The following ANO4 variants were observed in gnomAD, a reference collection of about 807,000 sequenced individuals.
ANO4 encodes anoctamin 4, also known as anoctamin-4.
ANO4 carries 69 observed loss-of-function variants against 141.9 expected under a neutral mutation model. The observed-to-expected ratio is 0.49, with a 90% confidence interval of 0.40 to 0.59. The LOEUF is 0.59. Among genes scored for constraint, ANO4 ranks in the 20% least tolerant of loss-of-function variants. ANO4 has a pLI of 0.00. For synonymous variants in ANO4, 350 were observed against 394.3 expected, an observed-to-expected ratio of 0.89 and a Z score of 1.33; for missense variants, 894 against 1,162.2, an observed-to-expected ratio of 0.77 and a Z score of 3.36.
At chr12:100,833,017 A>G (rs2036709274) in intron 1 of ANO4, among the ~76,000 whole-genome samples, 1 of 152,134 alleles carries the variant, frequency 6.6e-6, no homozygotes, top group African/African-American at 2.4e-5. Flanking sequence ...GACACTTCTG[A>G]CCAAGTAAAA....
At chr12:100,797,648 C>CT (rs538411455) in intron 1 of ANO4, among the ~76,000 whole-genome samples, 3,807 of 142,262 alleles carry the variant, frequency 0.027, 124 homozygotes, top group African/African-American at 0.077. Context: ...TGCAGTTATT[C>CT]TTTTTTTTTT....
chr12:101,103,348 G>A (rs941631333), intron 22 of ANO4, among the ~76,000 whole-genome samples: 24 of 150,688 alleles, frequency 1.6e-4, no homozygotes, highest in African/African-American at 5.6e-4. Context: ...TTACCATTAA[G>A]TGTGGTGCTA....
intron 1 of ANO4, among the ~76,000 whole-genome samples, chr12:100,873,907 G>A (rs1022284995): frequency 1.3e-5 from 2 of 152,162 alleles, no homozygotes; most frequent in Non-Finnish European, 2.9e-5. Flanking sequence ...TTGCGGACTG[G>A]GCCCAGGGCC....
Position 101,043,591 on chromosome 12 carries a change from T to C in ANO4, c.1207T>C (p.Tyr403His), listed in dbSNP as rs746008401. 6.2e-7 allele frequency: 1 copy of C among 1,613,854 alleles called. No individual in the cohort carries two copies. Among genetic ancestry groups the C allele is most frequent in the Admixed American group, 1.7e-5 (1 of 60,024 alleles). The change falls in exon 13 of 28, where the codon TAC becomes CAC. Residue 403 changes from tyrosine to histidine, a missense_variant. Physicochemically the swap from Tyr to His is moderately conservative, Grantham distance 83. Transcript: ENST00000392977. Reference sequence around the variant, plus strand: ...CATCATGTGTCCTGTGTGTGATAAATACTGTCCATTCATGAGGCTGTCAGA... The same window carrying C: ...CATCATGTGTCCTGTGTGTGATAAACACTGTCCATTCATGAGGCTGTCAGA... ...DIIMCPVCDK[Y>H]CPFMRLSDSC...
At position 100,827,251 on chromosome 12, in the gene ANO4, A is replaced by G. The variant is rs568776709; in HGVS notation, c.-141+32224A>G. Among the ~76,000 whole-genome samples, 33 of 151,954 alleles carry G rather than the reference A, an allele frequency of 2.2e-4. No homozygotes were observed. In the South Asian group the frequency reaches 4.6e-3, roughly 21 times the overall value. Reference sequence around the variant, plus strand: ...TTTTGATGATCCTTGAACACACCCAATTATGTTTTTGCTTTAAGACCTTTG... The same window carrying G: ...TTTTGATGATCCTTGAACACACCCAGTTATGTTTTTGCTTTAAGACCTTTG... On this transcript the variant is annotated intron_variant, in intron 1 of 27. Transcript: ENST00000392977.
At chr12:100,868,429 T>C (rs1028312528) in intron 1 of ANO4, among the ~76,000 whole-genome samples, 4 of 152,196 alleles carry the variant, frequency 2.6e-5, no homozygotes, top group Admixed American at 2.0e-4. Flanking sequence ...TTTCTATTTC[T>C]GAGATTATTT....
intron 14 of ANO4, among the ~76,000 whole-genome samples, chr12:101,060,518 C>G (rs369651184): frequency 1.3e-5 from 2 of 152,124 alleles, no homozygotes; most frequent in African/African-American, 4.8e-5. Context: ...GAGTCTAAGT[C>G]TTTTTGTAGG....
chr12:100,775,207 G>A (rs912433130), intron 3 of ANO4, among the ~76,000 whole-genome samples: 1 of 152,150 alleles, frequency 6.6e-6, no homozygotes, highest in African/African-American at 2.4e-5. Flanking sequence ...CACTAAAATA[G>A]CAGTCTTTCA....
At chr12:101,115,776 A>C (rs957643682) in intron 24 of ANO4, among the ~76,000 whole-genome samples, 3 of 152,182 alleles carry the variant, frequency 2.0e-5, no homozygotes, top group African/African-American at 4.8e-5. Context: ...CAGAATGATT[A>C]AATCTTGATT....
chr12:100,762,075 A>G (rs1419408418), intron 3 of ANO4, among the ~76,000 whole-genome samples: 3 of 152,220 alleles, frequency 2.0e-5, no homozygotes, highest in Non-Finnish European at 4.4e-5. Context: ...CAAAAGTAGT[A>G]GAAACCTTAC....
At chr12:101,101,185 C>G (rs1313935485) in intron 22 of ANO4, among the ~76,000 whole-genome samples, 2 of 152,140 alleles carry the variant, frequency 1.3e-5, no homozygotes, top group Non-Finnish European at 2.9e-5. Flanking sequence ...TCTTTGTCCC[C>G]TCTTCCATTT....
chr12:101,097,990 A>G, intron 21 of ANO4, 45 bp downstream of exon 21: 1 of 1,561,960 alleles, frequency 6.4e-7, no homozygotes, highest in Non-Finnish European at 8.8e-7. Context: ...ATTGCTCATT[A>G]TTGGCTTTTC....
intron 3 of ANO4, among the ~76,000 whole-genome samples, chr12:100,743,201 A>T (rs2031949238): frequency 6.6e-6 from 1 of 151,908 alleles, no homozygotes; most frequent in African/African-American, 2.4e-5. Flanking sequence ...ACAAGACGTG[A>T]TCACATATGT....
chr12:101,124,775 G>C (rs1465050862), intron 26 of ANO4, among the ~76,000 whole-genome samples: 3 of 152,092 alleles, frequency 2.0e-5, no homozygotes, highest in Admixed American at 6.5e-5. Flanking sequence ...AAGATCAGAT[G>C]GTTGTAGATG....
chr12:100,889,004 A>G (rs1181895108), intron 1 of ANO4, among the ~76,000 whole-genome samples: 3 of 149,828 alleles, frequency 2.0e-5, no homozygotes, highest in African/African-American at 4.9e-5. Context: ...AGCATTAGGT[A>G]TATCTCCTAA....
At chr12:100,832,472 A>G (rs1346271441) in intron 1 of ANO4, among the ~76,000 whole-genome samples, 1 of 151,934 alleles carries the variant, frequency 6.6e-6, no homozygotes, top group Admixed American at 6.6e-5. Context: ...ATAACCCAAC[A>G]CCCCAATCCA....
Position 101,094,256 on chromosome 12 carries a change from CT to C in ANO4, c.1703del (p.Leu568ProfsTer9). 6.2e-7 allele frequency: 1 copy of C among 1,609,742 alleles called. No homozygotes were observed. The highest frequency in any genetic ancestry group is 8.5e-7 in the Non-Finnish European group (1 of 1,176,430). ...NFCIIMLLNV[L>X]YEKVALLLTN... ...TAAATGCATGAAATTTATTTTACAG[CT>C]CTATGAAAAAGTTGCCCTGCTTCTG... On this transcript the variant is annotated frameshift_variant and splice_region_variant, in exon 18 of 28. Transcript: ENST00000392977. LOFTEE classifies it high-confidence loss of function.
At chr12:101,063,599 C>T (rs4108259) in intron 14 of ANO4, among the ~76,000 whole-genome samples, 1 of 151,966 alleles carries the variant, frequency 6.6e-6, no homozygotes, top group Admixed American at 6.5e-5. Flanking sequence ...AACGTACTTT[C>T]TTCTAGAAAG....
intron 1 of ANO4, among the ~76,000 whole-genome samples, chr12:100,900,109 A>T (rs2040522748): frequency 6.6e-6 from 1 of 152,182 alleles, no homozygotes; most frequent in South Asian, 2.1e-4. Context: ...GAAAGAAAGA[A>T]GGATTTGCAT....
Sources: gnomAD v4.1 joint callset for allele counts (sites outside exome capture counted in the v4.1 genomes callset) on GRCh38, gnomAD v4.1.1 for gene constraint, MANE v1.5 for transcripts, NCBI Gene and HGNC (gene_info 2026-07-23, HGNC 2026-07-21) for gene names.